Variants in SRGAP2 observed in about 807,000 individuals in gnomAD.
SRGAP2 encodes the protein SLIT-ROBO Rho GTPase-activating protein 2.
SRGAP2 carries 15 observed loss-of-function variants against 57.2 expected under a neutral mutation model. The ratio of observed to expected loss-of-function variants is 0.26; its 90% CI spans 0.18 to 0.40. SRGAP2 has a LOEUF of 0.40. Ranked by LOEUF, SRGAP2 falls within the 10% of genes least tolerant of loss-of-function variation. The pLI is 1.00. For synonymous variants in SRGAP2, 249 were observed against 248.0 expected (o/e 1.00, Z -0.04); for missense variants, 520 against 669.6 (o/e 0.78, Z 2.47).
Position 206,454,969 on chromosome 1 carries a change from G to T in SRGAP2, c.2452G>T (p.Ala818Ser). ...AGAAAAGGTGACAGCCAGAGCGGGG[G>T]CCAGCTGTCCCAGTGGGGGTCATGT... ...PEEKVTARAG[A>S]SCPSGGHVAD... is the part of the protein sequence containing the mutation. Residue 818 changes from alanine to serine, a missense_variant, in exon 21 of 23, where the codon GCC becomes TCC. Physicochemically the swap from Ala to Ser is moderately conservative, Grantham distance 99 (BLOSUM62 1). Around this residue, in one of 5 missense-constraint regions of SRGAP2, gnomAD observed 478 missense variants for 373.6 expected, o/e 1.28. Transcript: ENST00000573034. The surrounding 1 kb of genome is among the most constrained non-coding windows in gnomAD (Gnocchi z 4.3). 1.3e-6 allele frequency: 1 copy of T among 780,910 alleles called. No homozygotes were observed. Among genetic ancestry groups the T allele is most frequent in the Non-Finnish European group, 2.4e-6 (1 of 417,992 alleles). The allele number at this position is 780,910 out of a possible 1,614,324, so 48.4% of individuals were successfully genotyped here.
intron 7 of SRGAP2, among the ~76,000 whole-genome samples, chr1:206,401,120 CTT>C (rs1262663905): frequency 6.6e-6 from 1 of 152,132 alleles, no homozygotes; most frequent in Non-Finnish European, 1.5e-5. Context: ...AGAGGATTCT[CTT>C]TAACTCTCAA....
chr1:206,300,994 C>T (rs1203179542), intron 2 of SRGAP2, among the ~76,000 whole-genome samples: 2 of 152,184 alleles, frequency 1.3e-5, no homozygotes, highest in East Asian at 1.9e-4. Flanking sequence ...GATTCAGTAC[C>T]TGGAAAGCCT....
intron 3 of SRGAP2, among the ~76,000 whole-genome samples, chr1:206,314,560 A>C (rs1210192757): frequency 2.0e-5 from 3 of 152,212 alleles, no homozygotes; most frequent in Non-Finnish European, 4.4e-5. Context: ...AATTTCTAGT[A>C]GTTGACAAAA....
intron 21 of SRGAP2, chr1:206,456,268 C>A (rs1413615289): frequency 6.6e-6 from 1 of 152,018 alleles, no homozygotes; most frequent in East Asian, 1.9e-4. Context: ...TTAGTAAAGT[C>A]GTTTATTCAG....
chr1:206,363,838 G>A (rs1300333899), intron 4 of SRGAP2, among the ~76,000 whole-genome samples: 3 of 152,212 alleles, frequency 2.0e-5, no homozygotes, highest in South Asian at 2.1e-4. Flanking sequence ...CATTACTGAC[G>A]GTGATAATTT....
At chr1:206,359,004 A>C (rs1676683503) in intron 4 of SRGAP2, among the ~76,000 whole-genome samples, 2 of 152,238 alleles carry the variant, frequency 1.3e-5, no homozygotes, top group African/African-American at 2.4e-5. Flanking sequence ...ATTCATGAAA[A>C]GTGAGTCAGG....
intron 2 of SRGAP2, among the ~76,000 whole-genome samples, chr1:206,229,931 TACAC>T (rs66901207): frequency 0.019 from 2,667 of 141,738 alleles, 31 homozygotes; most frequent in Middle Eastern, 0.039. Context: ...TACACATACA[TACAC>T]ACACACACAC....
chr1:206,258,347 C>T (rs1406655800), intron 2 of SRGAP2, among the ~76,000 whole-genome samples: 2 of 152,188 alleles, frequency 1.3e-5, no homozygotes, highest in East Asian at 3.8e-4. Context: ...TATTTACTAT[C>T]TGGCCTTTAT....
intron 13 of SRGAP2, among the ~76,000 whole-genome samples, chr1:206,421,912 C>T (rs1660348634): frequency 6.6e-6 from 1 of 152,184 alleles, no homozygotes; most frequent in East Asian, 1.9e-4. Context: ...AATGGATAAT[C>T]TAAACAGCAC....
At chr1:206,268,443 A>T (rs1571726337) in intron 2 of SRGAP2, among the ~76,000 whole-genome samples, 1 of 151,866 alleles carries the variant, frequency 6.6e-6, no homozygotes, top group East Asian at 1.9e-4. Flanking sequence ...GTATTCAAAC[A>T]TGGAATATAT....
intron 13 of SRGAP2, among the ~76,000 whole-genome samples, chr1:206,429,028 C>T (rs1440547837): frequency 1.3e-5 from 2 of 152,310 alleles, no homozygotes; most frequent in African/African-American, 4.8e-5. Flanking sequence ...ATCTAAAGGA[C>T]TTAGTACATG....
At chr1:206,341,699 T>C (rs1553335261) in intron 3 of SRGAP2, among the ~76,000 whole-genome samples, 1 of 152,120 alleles carries the variant, frequency 6.6e-6, no homozygotes, top group Non-Finnish European at 1.5e-5. Context: ...ATGTTTTCAT[T>C]AGAAATGAGC....
chr1:206,254,551 A>G (rs2102599879), intron 2 of SRGAP2, among the ~76,000 whole-genome samples: 1 of 148,528 alleles, frequency 6.7e-6, no homozygotes, highest in South Asian at 2.2e-4. Flanking sequence ...GTTAATAAGT[A>G]TCTCTTCAAG....
chr1:206,225,873 C>T (rs1667246642), intron 2 of SRGAP2, among the ~76,000 whole-genome samples: 1 of 152,120 alleles, frequency 6.6e-6, no homozygotes, highest in South Asian at 2.1e-4. Flanking sequence ...TGGTTGGAGG[C>T]CCCTTATGAG....
intron 3 of SRGAP2, chr1:206,333,202 C>T (rs1463823064): frequency 1.1e-5 from 6 of 526,314 alleles, no homozygotes; most frequent in Non-Finnish European, 2.1e-5. Context: ...AGAACCACTG[C>T]TCTCTTCAAA....
intron 4 of SRGAP2, among the ~76,000 whole-genome samples, chr1:206,355,458 C>T (rs1450448691): frequency 1.3e-5 from 2 of 151,892 alleles, no homozygotes; most frequent in African/African-American, 4.8e-5. Context: ...TATTGGCACC[C>T]TCTAGAATAG....
At chr1:206,411,370 C>A (rs1294693253) in intron 10 of SRGAP2, among the ~76,000 whole-genome samples, 2 of 152,182 alleles carry the variant, frequency 1.3e-5, no homozygotes, top group Non-Finnish European at 2.9e-5. Context: ...GGTCTGAGAT[C>A]TTTTTATCTT....
intron 5 of SRGAP2, among the ~76,000 whole-genome samples, chr1:206,390,767 A>C (rs1290964419): frequency 6.6e-6 from 1 of 152,182 alleles, no homozygotes; most frequent in Non-Finnish European, 1.5e-5. Flanking sequence ...AAACGCCATT[A>C]GTTGTTAAGT....
intron 13 of SRGAP2, among the ~76,000 whole-genome samples, chr1:206,421,685 AT>A (rs1660323595): frequency 6.6e-6 from 1 of 152,174 alleles, no homozygotes; most frequent in Admixed American, 6.5e-5. Context: ...ATTTTGTTTG[AT>A]TGTTTCCGGT....
Sources: allele counts gnomAD v4.1 joint callset (sites outside exome capture counted in the v4.1 genomes callset), GRCh38; gene constraint gnomAD v4.1.1; regional missense constraint gnomAD v4.1.1; non-coding constraint Gnocchi (gnomAD v3.1); transcripts MANE v1.5; gene names NCBI Gene and HGNC (gene_info 2026-07-23, HGNC 2026-07-21).